The following SOX5 variants were observed in gnomAD, a reference collection of about 807,000 sequenced individuals.
SOX5 encodes the protein transcription factor SOX-5.
Under a neutral mutation model 92.0 loss-of-function variants are expected in SOX5, and 9 were observed. The observed-to-expected ratio is 0.10, with a 90% CI of 0.06 to 0.17. The LOEUF is 0.17. Among genes scored for constraint, SOX5 ranks in the 10% least tolerant of loss-of-function variants. The pLI, the probability that SOX5 is intolerant of heterozygous loss-of-function variation, is 1.00. For missense variants in SOX5, 642 were observed against 944.5 expected (o/e 0.68, Z 4.20); for synonymous variants, 344 against 336.3 (o/e 1.02, Z -0.25).
chr12:23,689,104 A>T (rs2088229418), intron 6 of SOX5, among the ~76,000 whole-genome samples: 1 of 152,086 alleles, frequency 6.6e-6, no homozygotes, highest in South Asian at 2.1e-4. Context: ...GGTCACTACT[A>T]AGTCAATATC....
intron 2 of SOX5, among the ~76,000 whole-genome samples, chr12:24,301,692 T>C (rs1047530016): frequency 1.3e-5 from 2 of 152,234 alleles, no homozygotes; most frequent in African/African-American, 2.4e-5. Flanking sequence ...TTATTCTTTT[T>C]CTGTAATTTT....
At chr12:24,123,991 G>A (rs551930104) in intron 4 of SOX5, among the ~76,000 whole-genome samples, 36 of 152,214 alleles carry the variant, frequency 2.4e-4, no homozygotes, top group African/African-American at 7.9e-4. Context: ...TAGTTAAGTC[G>A]ATTCTTAAAA....
intron 6 of SOX5, among the ~76,000 whole-genome samples, chr12:23,667,360 A>G (rs917495179): frequency 6.6e-6 from 1 of 152,176 alleles, no homozygotes; most frequent in African/African-American, 2.4e-5. Flanking sequence ...TAAGGAATAA[A>G]TTGCAATGAA....
At position 24,367,488 on chromosome 12, in the gene SOX5, T is replaced by C. The variant is rs185969699; in HGVS notation, c.-174+1075A>G. Among the ~76,000 whole-genome samples the C allele has an allele frequency of 3.6e-4, 55 of 152,292 alleles. No individual in the cohort carries two copies. In the South Asian group the frequency reaches 8.1e-3, roughly 22 times the overall value. The stretch of plus-strand genomic sequence containing the variant: ...ACATGGGCATCAGCATGGGAACAAC[T>C]CATATTTATAACTCTGATGAATGGC... On this transcript the variant is annotated intron_variant, in intron 2 of 4. Coordinates refer to the SOX5 transcript ENST00000446891.
intron 1 of SOX5, among the ~76,000 whole-genome samples, chr12:24,394,317 G>A (rs1344459838): frequency 6.6e-6 from 1 of 152,108 alleles, no homozygotes; most frequent in East Asian, 1.9e-4. Flanking sequence ...AGAGGTGCCA[G>A]GTACATATTA....
At chr12:23,972,748 G>A (rs1405997780) in intron 4 of SOX5, among the ~76,000 whole-genome samples, 3 of 152,048 alleles carry the variant, frequency 2.0e-5, no homozygotes, top group Non-Finnish European at 4.4e-5. Context: ...TGCTCTATGT[G>A]TATATTGTGG....
chr12:23,801,491 C>A (rs1567874157), intron 3 of SOX5, among the ~76,000 whole-genome samples: 1 of 151,998 alleles, frequency 6.6e-6, no homozygotes, highest in East Asian at 1.9e-4. Flanking sequence ...GGAAGTGAGC[C>A]CAAATTTCCA....
intron 1 of SOX5, among the ~76,000 whole-genome samples, chr12:24,496,096 C>G (rs1028376005): frequency 3.9e-5 from 6 of 152,156 alleles, no homozygotes; most frequent in Non-Finnish European, 7.4e-5. Context: ...AGTTGAAGAA[C>G]AGTAGTCTCT....
chr12:23,956,775 T>A (rs1165981054), intron 4 of SOX5, among the ~76,000 whole-genome samples: 1 of 152,046 alleles, frequency 6.6e-6, no homozygotes, highest in African/African-American at 2.4e-5. Flanking sequence ...AACCTCCACC[T>A]CCTGGGTTCA....
At chr12:23,793,232 A>G (rs2095507290) in intron 3 of SOX5, among the ~76,000 whole-genome samples, 2 of 152,216 alleles carry the variant, frequency 1.3e-5, no homozygotes, top group Non-Finnish European at 2.9e-5. Flanking sequence ...ATGACTACAA[A>G]TTTTAAAGTA....
chr12:24,112,932 A>G (rs1428188882), intron 4 of SOX5, among the ~76,000 whole-genome samples: 1 of 151,794 alleles, frequency 6.6e-6, no homozygotes, highest in Non-Finnish European at 1.5e-5. Context: ...GTGGAAGTTT[A>G]TTCTTATTTT....
chr12:24,191,018 T>C (rs1956471821), intron 4 of SOX5, among the ~76,000 whole-genome samples: 2 of 152,098 alleles, frequency 1.3e-5, no homozygotes, highest in Admixed American at 1.3e-4. Flanking sequence ...TTTTAAGAGG[T>C]GGGGTCTTGC....
intron 4 of SOX5, among the ~76,000 whole-genome samples, chr12:24,140,871 G>A (rs1037893303): frequency 3.9e-5 from 6 of 151,932 alleles, no homozygotes; most frequent in African/African-American, 1.2e-4. Context: ...TTAGCTTCAG[G>A]TTTTCAATTA....
At position 24,225,790 on chromosome 12, in the gene SOX5, C is replaced by G. The variant is rs2728846; in HGVS notation, c.-76-12373G>C. Reference sequence around the variant, plus strand: ...GCATAGATACTATATCCCCTCTTCCCAGAATATATAAGAAATCACATCACT... The same window carrying G: ...GCATAGATACTATATCCCCTCTTCCGAGAATATATAAGAAATCACATCACT... On this transcript the variant is annotated intron_variant, in intron 3 of 4. Coordinates refer to the SOX5 transcript ENST00000446891. Among the ~76,000 whole-genome samples, 124 of 151,638 alleles carry G rather than the reference C, an allele frequency of 8.2e-4. 5 individuals carry two copies. In the South Asian group the frequency reaches 0.025, roughly 31 times the overall value.
At chr12:24,284,733 G>T (rs79108189) in intron 2 of SOX5, among the ~76,000 whole-genome samples, 2,996 of 152,218 alleles carry the variant, frequency 0.02, 103 homozygotes, top group African/African-American at 0.069. Flanking sequence ...CCAGTATAAA[G>T]GTGGTAGCAA....
At chr12:23,573,675 G>A (rs76043440) in intron 10 of SOX5, among the ~76,000 whole-genome samples, 157 of 152,196 alleles carry the variant, frequency 1.0e-3, no homozygotes, top group African/African-American at 3.7e-3. Context: ...GCCTTGAGTT[G>A]GGCTGGACTT....
chr12:24,221,849 T>G (rs1214682851), intron 3 of SOX5, among the ~76,000 whole-genome samples: 1 of 152,138 alleles, frequency 6.6e-6, no homozygotes, highest in Non-Finnish European at 1.5e-5. Flanking sequence ...GTGAGGGATG[T>G]GTAAATTGGG....
chr12:24,105,964 A>G (rs1400820147), intron 4 of SOX5, among the ~76,000 whole-genome samples: 1 of 152,204 alleles, frequency 6.6e-6, no homozygotes, highest in African/African-American at 2.4e-5. Context: ...TCTTCCTTAC[A>G]AACGTGTTGA....
At chr12:23,736,136 T>G (rs2093583110) in intron 5 of SOX5, among the ~76,000 whole-genome samples, 1 of 151,458 alleles carries the variant, frequency 6.6e-6, no homozygotes, top group Non-Finnish European at 1.5e-5. Context: ...TCTCATCAAG[T>G]AATAGTCACT....
Sources: gnomAD v4.1 joint callset for allele counts (sites outside exome capture counted in the v4.1 genomes callset) on GRCh38, gnomAD v4.1.1 for gene constraint, MANE v1.5 for transcripts, NCBI Gene and HGNC (gene_info 2026-07-23, HGNC 2026-07-21) for gene names.